Variants in CADPS2 observed in about 807,000 individuals in gnomAD.
The protein encoded by CADPS2 is calcium dependent secretion activator 2.
CADPS2 carries 93 observed loss-of-function variants against 172.5 expected under a neutral mutation model. The ratio of observed to expected loss-of-function variants is 0.54; its 90% CI spans 0.46 to 0.64. The LOEUF (loss-of-function observed/expected upper bound fraction) is 0.64, where lower values mean the gene tolerates loss of function less well. CADPS2 is among the 30% of genes least tolerant of loss of function. The pLI, the probability that CADPS2 is intolerant of heterozygous loss-of-function variation, is 0.00. For synonymous variants in CADPS2, 546 were observed against 555.2 expected, an observed-to-expected ratio of 0.98 and a Z score of 0.23; for missense variants, 1,420 against 1,565.9, an observed-to-expected ratio of 0.91 and a Z score of 1.57.
intron 2 of CADPS2, among the ~76,000 whole-genome samples, chr7:122,688,976 T>C (rs556735568): frequency 1.4e-4 from 22 of 152,266 alleles, no homozygotes; most frequent in African/African-American, 5.1e-4. Context: ...AGGTTTGATA[T>C]ATAGGCTTGG....
chr7:122,866,355 T>C (rs1818318870), intron 1 of CADPS2, among the ~76,000 whole-genome samples: 1 of 152,174 alleles, frequency 6.6e-6, no homozygotes, highest in Non-Finnish European at 1.5e-5. Flanking sequence ...CCCTACAATC[T>C]ATTCTCAAGA....
intron 7 of CADPS2, among the ~76,000 whole-genome samples, chr7:122,577,540 C>T (rs950134338): frequency 9.9e-5 from 15 of 152,248 alleles, no homozygotes; most frequent in African/African-American, 2.6e-4. Context: ...GGATGTGCCA[C>T]GGTTTTATTC....
intron 20 of CADPS2, among the ~76,000 whole-genome samples, chr7:122,400,503 C>G (rs1402562615): frequency 6.6e-6 from 1 of 151,928 alleles, no homozygotes; most frequent in Non-Finnish European, 1.5e-5. Flanking sequence ...GAAATTAGAA[C>G]AGTACTGTGG....
At chr7:122,639,657 C>T (rs1322229698) in intron 3 of CADPS2, among the ~76,000 whole-genome samples, 1 of 152,190 alleles carries the variant, frequency 6.6e-6, no homozygotes, top group African/African-American at 2.4e-5. Flanking sequence ...CATCCACCTC[C>T]CTCTAGCCAG....
intron 8 of CADPS2, among the ~76,000 whole-genome samples, chr7:122,531,073 A>G (rs1032481082): frequency 1.3e-5 from 2 of 152,218 alleles, no homozygotes; most frequent in Admixed American, 1.3e-4. Flanking sequence ...AGCAATCTTG[A>G]GAGAGTACAG....
At chr7:122,570,221 A>T (rs560635167) in intron 7 of CADPS2, among the ~76,000 whole-genome samples, 1 of 152,292 alleles carries the variant, frequency 6.6e-6, no homozygotes, top group East Asian at 1.9e-4. Flanking sequence ...AAGTGGGCAA[A>T]GGAGATGAAC....
intron 1 of CADPS2, among the ~76,000 whole-genome samples, chr7:122,745,185 C>T: frequency 6.6e-6 from 1 of 151,814 alleles, no homozygotes; most frequent in East Asian, 1.9e-4. Flanking sequence ...TAGCAAATTT[C>T]AAATATAAAA....
intron 2 of CADPS2, among the ~76,000 whole-genome samples, chr7:122,717,934 G>A (rs999321151): frequency 9.5e-5 from 14 of 147,734 alleles, no homozygotes; most frequent in African/African-American, 2.5e-4. Flanking sequence ...TCAGCCTCCC[G>A]AGTTGCTGGT....
chr7:122,499,435 TTTC>T (rs199945859), intron 9 of CADPS2, among the ~76,000 whole-genome samples: 2,403 of 152,302 alleles, frequency 0.016, 20 homozygotes, highest in South Asian at 0.024. Context: ...CTCTAAAGTT[TTTC>T]TTTTTTTTCC....
chr7:122,456,106 G>T (rs2152070329), intron 14 of CADPS2, among the ~76,000 whole-genome samples: 1 of 152,212 alleles, frequency 6.6e-6, no homozygotes, highest in South Asian at 2.1e-4. Flanking sequence ...GATCTCTAAA[G>T]TTAGTATGTA....
chr7:122,611,298 A>G (rs1400836161), intron 6 of CADPS2, among the ~76,000 whole-genome samples: 1 of 150,770 alleles, frequency 6.6e-6, no homozygotes, highest in Non-Finnish European at 1.5e-5. Flanking sequence ...TAATGGACAA[A>G]CTTTTAGTTA....
At chr7:122,626,610 C>T (rs1285221245) in intron 4 of CADPS2, among the ~76,000 whole-genome samples, 1 of 152,090 alleles carries the variant, frequency 6.6e-6, no homozygotes, top group African/African-American at 2.4e-5. Context: ...TTCCATAATT[C>T]AATTACACGG....
intron 1 of CADPS2, among the ~76,000 whole-genome samples, chr7:122,819,709 T>G (rs991077377): frequency 1.3e-5 from 2 of 152,118 alleles, no homozygotes; most frequent in African/African-American, 4.8e-5. Context: ...CTAAATTATC[T>G]GCTTCCCTGA....
chr7:122,337,924 C>T (rs986540737), intron 28 of CADPS2, among the ~76,000 whole-genome samples: 2 of 152,104 alleles, frequency 1.3e-5, no homozygotes, highest in Non-Finnish European at 2.9e-5. Flanking sequence ...TACAATGAAA[C>T]ACAACAATGA....
intron 2 of CADPS2, among the ~76,000 whole-genome samples, chr7:122,673,484 G>A (rs2082078517): frequency 1.3e-5 from 2 of 152,056 alleles, no homozygotes; most frequent in South Asian, 4.2e-4. Flanking sequence ...AGTGCTGAAT[G>A]GTGTGTTTAC....
intron 2 of CADPS2, among the ~76,000 whole-genome samples, chr7:122,731,873 T>C (rs2091679519): frequency 6.6e-6 from 1 of 151,732 alleles, no homozygotes; most frequent in Non-Finnish European, 1.5e-5. Flanking sequence ...GTTTAGATAT[T>C]TGGGTCAATT....
At chr7:122,752,415 G>A (rs977418410) in intron 1 of CADPS2, among the ~76,000 whole-genome samples, 1 of 152,090 alleles carries the variant, frequency 6.6e-6, no homozygotes, top group Admixed American at 6.6e-5. Context: ...GGATAACACT[G>A]TGAAATTTGG....
rs185684439 is a variant in CADPS2 at position 122,802,739 on chromosome 7, C to T, written c.340-65671G>A. ...TTAAAATTCTTAAAGCACGTGTCTA[C>T]TTTCACCATTAGCAGCAATCTAAAA... On this transcript the variant is annotated intron_variant, in intron 1 of 29. Transcript: ENST00000449022. 2.6e-5 allele frequency among the ~76,000 whole-genome samples: 4 copies of T among 152,254 alleles called. No individual in the cohort carries two copies. The East Asian group carries it at 7.7e-4, about 29-fold the overall frequency.
At chr7:122,628,475 T>C (rs191111556) in intron 4 of CADPS2, among the ~76,000 whole-genome samples, 58 of 151,938 alleles carry the variant, frequency 3.8e-4, no homozygotes, top group Admixed American at 7.2e-4. Context: ...CCATCAAATA[T>C]TGGAAGTTTT....
Sources: allele counts gnomAD v4.1 joint callset (sites outside exome capture counted in the v4.1 genomes callset), GRCh38; gene constraint gnomAD v4.1.1; transcripts MANE v1.5; gene names NCBI Gene and HGNC (gene_info 2026-07-23, HGNC 2026-07-21).